The following KCNMA1 variants were observed in gnomAD, a reference collection of about 807,000 sequenced individuals.
KCNMA1 encodes Calcium-activated potassium channel subunit alpha-1.
Under a neutral mutation model 140.0 loss-of-function variants are expected in KCNMA1, and 29 were observed. The ratio of observed to expected loss-of-function variants is 0.21; its 90% CI spans 0.15 to 0.28. The LOEUF is 0.28. KCNMA1 is among the 10% of genes least tolerant of loss of function. The pLI is 1.00. For missense variants in KCNMA1, 880 were observed against 1,602.2 expected, an observed-to-expected ratio of 0.55 and a Z score of 7.70; for synonymous variants, 612 against 611.9, an observed-to-expected ratio of 1.00 and a Z score of 0.00.
intron 1 of KCNMA1, among the ~76,000 whole-genome samples, chr10:77,446,976 G>T (rs548165723): frequency 6.6e-6 from 1 of 152,318 alleles, no homozygotes; most frequent in Admixed American, 6.5e-5. Flanking sequence ...TCAAACTCAA[G>T]CTCCTCATCA....
Position 77,057,081 on chromosome 10 carries a change from A to G in KCNMA1, c.1749+16016T>C, listed in dbSNP as rs1046091298. 5.3e-5 allele frequency among the ~76,000 whole-genome samples: 8 copies of G among 152,304 alleles called. No homozygotes were observed. The East Asian group carries it at 1.3e-3, about 26-fold the overall frequency. On this transcript the variant is annotated intron_variant, in intron 14 of 27. Transcript: ENST00000286628. ...CAAACCTAGCAGTTGAAGAATCTCA[A>G]TGAACTCCAACAGGATAAACCCAAA...
At chr10:77,032,982 G>A (rs2094046477) in intron 15 of KCNMA1, among the ~76,000 whole-genome samples, 1 of 152,126 alleles carries the variant, frequency 6.6e-6, no homozygotes, top group African/African-American at 2.4e-5. Context: ...TGGGGCTGTT[G>A]AAGAGGACTC....
chr10:77,188,281 G>GAA (rs76979989), intron 3 of KCNMA1, among the ~76,000 whole-genome samples: 2 of 144,904 alleles, frequency 1.4e-5, no homozygotes, highest in Non-Finnish European at 1.5e-5. Flanking sequence ...TTGCCAACAG[G>GAA]AAAAAAAAAA....
intron 4 of KCNMA1, 84 bp downstream of exon 4, chr10:77,184,739 G>C (rs1033787297): frequency 5.6e-6 from 5 of 886,354 alleles, no homozygotes; most frequent in Admixed American, 1.7e-5. Context: ...TCTTGACTGC[G>C]AGAGCAGAGG....
rs138293279 is a variant in KCNMA1 at position 77,448,238 on chromosome 10, C to T, written c.379-44215G>A. On this transcript the variant is annotated intron_variant, in intron 1 of 27. Transcript: ENST00000286628. ...CCTCAAGCTGCTAGAAACACTGTCT[C>T]CTGCATGGAGAGGTCACAGCCTTGT... 1.1e-3 allele frequency among the ~76,000 whole-genome samples: 167 copies of T among 152,280 alleles called. 3 individuals are homozygous for T. In the East Asian group the frequency reaches 0.03, roughly 27 times the overall value.
Position 76,885,483 on chromosome 10 carries a change from T to C in KCNMA1, c.*1783A>G. ...ATTTGTCAGTAAAAGTGCTTGTCAA[T>C]TCACACAGCAAGCAAATATCCAAAA... On this transcript the variant is annotated 3_prime_UTR_variant, in exon 28 of 28. Coordinates refer to ENST00000286628, the MANE Select transcript of KCNMA1 (RefSeq NM_001161352.2). The C allele has an allele frequency of 3.0e-6, 3 of 985,262 alleles. No homozygotes were observed. Among genetic ancestry groups the C allele is most frequent in the Non-Finnish European group, 3.6e-6 (3 of 829,916 alleles). 61.0% of individuals were successfully genotyped at this position (985,262 alleles called of 1,614,324 possible). A position where few individuals can be genotyped will look rare whatever the true frequency, so the allele number is the denominator to read the frequency against.
At chr10:77,501,266 G>A (rs1467431044) in intron 1 of KCNMA1, among the ~76,000 whole-genome samples, 2 of 152,228 alleles carry the variant, frequency 1.3e-5, no homozygotes, top group African/African-American at 4.8e-5. Flanking sequence ...GGCTCACAGT[G>A]CCTGCACGGT....
At chr10:76,968,625 C>G (rs1387065408) in intron 20 of KCNMA1, among the ~76,000 whole-genome samples, 1 of 152,210 alleles carries the variant, frequency 6.6e-6, no homozygotes, top group Non-Finnish European at 1.5e-5. Flanking sequence ...TAGCATGACA[C>G]TGGCATCATA....
chr10:77,317,711 G>C (rs945381198), intron 2 of KCNMA1, among the ~76,000 whole-genome samples: 11 of 152,192 alleles, frequency 7.2e-5, no homozygotes, highest in Middle Eastern at 3.2e-3. Flanking sequence ...ATGCTTGTTG[G>C]CACAAGGCCG....
At chr10:77,078,348 T>G (rs2153729389) in intron 13 of KCNMA1, among the ~76,000 whole-genome samples, 1 of 152,292 alleles carries the variant, frequency 6.6e-6, no homozygotes, top group Non-Finnish European at 1.5e-5. Context: ...AAAGCTGTTT[T>G]TTTGGAAGTT....
chr10:76,935,898 A>C (rs1331589219), intron 23 of KCNMA1, among the ~76,000 whole-genome samples: 1 of 152,192 alleles, frequency 6.6e-6, no homozygotes, highest in Non-Finnish European at 1.5e-5. Context: ...CTCTCCAAGA[A>C]AGTCTTTCAT....
intron 5 of KCNMA1, among the ~76,000 whole-genome samples, chr10:77,176,869 G>T (rs1436467070): frequency 1.3e-5 from 2 of 152,220 alleles, no homozygotes; most frequent in South Asian, 2.1e-4. Context: ...GCAAATTAAG[G>T]TTGCTGATAG....
intron 16 of KCNMA1, among the ~76,000 whole-genome samples, chr10:77,025,665 G>A (rs901840086): frequency 6.6e-6 from 1 of 152,026 alleles, no homozygotes; most frequent in Non-Finnish European, 1.5e-5. Context: ...AGGTGGGAAG[G>A]AGAAACAGGT....
chr10:77,637,419 A>T lies in KCNMA1; in HGVS notation c.224T>A (p.Met75Lys). ...KMDALIIPVTMEVPCDSRGQR... is the reference protein window; with the variant it reads ...KMDALIIPVTKEVPCDSRGQR... Reference sequence around the variant, plus strand: ...GCCCCGGCTGTCGCACGGCACCTCCATGGTCACCGGGATGATGAGCGCATC... The same window carrying T: ...GCCCCGGCTGTCGCACGGCACCTCCTTGGTCACCGGGATGATGAGCGCATC... Residue 75 changes from methionine (M) to lysine (K), a missense_variant, in exon 1 of 28, where the codon ATG becomes AAG. Met to Lys is a moderately conservative substitution (Grantham distance 95). Around this residue, in one of 13 missense-constraint regions of KCNMA1, gnomAD observed 31 missense variants for 75.0 expected, o/e 0.41. Coordinates refer to ENST00000286628, the MANE Select transcript of KCNMA1 (RefSeq NM_001161352.2). The T allele has an allele frequency of 2.5e-6, 4 of 1,613,774 alleles. No individual in the cohort carries two copies. The highest frequency in any genetic ancestry group is 2.5e-6 in the Non-Finnish European group (3 of 1,179,902).
At chr10:77,321,489 C>A (rs2082308518) in intron 2 of KCNMA1, among the ~76,000 whole-genome samples, 1 of 151,692 alleles carries the variant, frequency 6.6e-6, no homozygotes, top group Non-Finnish European at 1.5e-5. Context: ...ACACACAGGT[C>A]ACAGCTTGTT....
chr10:77,635,090 T>G (rs2093612967), intron 1 of KCNMA1: 1 of 152,238 alleles, frequency 6.6e-6, no homozygotes, highest in Non-Finnish European at 1.5e-5. Context: ...TTATGTCCAC[T>G]CAGCAGGTCT....
At chr10:77,316,717 A>G (rs567009457) in intron 2 of KCNMA1, among the ~76,000 whole-genome samples, 22 of 152,350 alleles carry the variant, frequency 1.4e-4, no homozygotes, top group Admixed American at 1.4e-3. Context: ...AAACTTTCCC[A>G]TCCCCAAGAT....
intron 2 of KCNMA1, among the ~76,000 whole-genome samples, chr10:77,308,257 G>C (rs1054426780): frequency 6.6e-6 from 1 of 152,176 alleles, no homozygotes; most frequent in African/African-American, 2.4e-5. Context: ...CAGGTGCCCA[G>C]AGATGGTGGC....
chr10:77,270,966 G>A (rs75804833), intron 2 of KCNMA1, among the ~76,000 whole-genome samples: 1 of 152,024 alleles, frequency 6.6e-6, no homozygotes, highest in Admixed American at 6.6e-5. Flanking sequence ...AATATATCCA[G>A]AATATTTTTA....
Sources: allele counts gnomAD v4.1 joint callset (sites outside exome capture counted in the v4.1 genomes callset), GRCh38; gene constraint gnomAD v4.1.1; regional missense constraint gnomAD v4.1.1; transcripts MANE v1.5; gene names NCBI Gene and HGNC (gene_info 2026-07-23, HGNC 2026-07-21).